KCNH8: variants seen among roughly 807,000 people sequenced by gnomAD.
The protein encoded by KCNH8 is voltage-gated delayed rectifier potassium channel KCNH8.
KCNH8 carries 70 observed loss-of-function variants against 103.6 expected under a neutral mutation model. That is an observed-to-expected ratio of 0.68 (90% confidence interval 0.56 to 0.82). The LOEUF is 0.82. KCNH8 is among the 40% of genes least tolerant of loss of function. KCNH8 has a pLI of 0.00. For missense variants in KCNH8, 1,217 were observed against 1,329.9 expected, an observed-to-expected ratio of 0.92 and a Z score of 1.32; for synonymous variants, 498 against 489.4, an observed-to-expected ratio of 1.02 and a Z score of -0.23.
intron 2 of KCNH8, among the ~76,000 whole-genome samples, chr3:19,260,488 A>T (rs1404451512): frequency 1.6e-3 from 1 of 642 alleles, no homozygotes; most frequent in African/African-American, 0.011. Flanking sequence ...ACTCTATAGG[A>T]TATATATATA....
At chr3:19,285,876 T>A (rs2064824954) in intron 3 of KCNH8, among the ~76,000 whole-genome samples, 1 of 152,198 alleles carries the variant, frequency 6.6e-6, no homozygotes, top group East Asian at 1.9e-4. Flanking sequence ...AATAATAAAT[T>A]CTTCTCAGAC....
rs573794341 is a variant in KCNH8 at position 19,474,953 on chromosome 3, A to C, written c.2040+17971A>C. Among the ~76,000 whole-genome samples the C allele has an allele frequency of 2.0e-5, 3 of 152,292 alleles. No homozygotes were observed. In the South Asian group the frequency reaches 6.2e-4, roughly 32 times the overall value. On this transcript the variant is annotated intron_variant, in intron 11 of 15. Coordinates refer to ENST00000328405, the MANE Select transcript of KCNH8 (RefSeq NM_144633.3). Reference sequence around the variant, plus strand: ...GAGAACAACGAAATAGGATTCTATCAAAAAGAGCAATGAAGAGGATCCAGA... The same window carrying C: ...GAGAACAACGAAATAGGATTCTATCCAAAAGAGCAATGAAGAGGATCCAGA...
chr3:19,208,129 A>G (rs994157157), intron 1 of KCNH8, among the ~76,000 whole-genome samples: 1 of 151,974 alleles, frequency 6.6e-6, no homozygotes, highest in African/African-American at 2.4e-5. Context: ...GATGCTAAAT[A>G]CTACAGAAAT....
At chr3:19,236,030 T>C (rs2064060466) in intron 1 of KCNH8, among the ~76,000 whole-genome samples, 2 of 152,174 alleles carry the variant, frequency 1.3e-5, no homozygotes, top group Non-Finnish European at 2.9e-5. Context: ...TGTAACTGTG[T>C]GTATATAGTT....
intron 5 of KCNH8, among the ~76,000 whole-genome samples, chr3:19,377,853 CTAAG>C (rs767822782): frequency 2.0e-5 from 3 of 152,202 alleles, no homozygotes; most frequent in Non-Finnish European, 2.9e-5. Context: ...CATTAAAATG[CTAAG>C]TTAGTGGAAG....
intron 3 of KCNH8, among the ~76,000 whole-genome samples, chr3:19,305,504 A>G (rs1034943107): frequency 6.6e-6 from 1 of 152,168 alleles, no homozygotes; most frequent in Admixed American, 6.6e-5. Context: ...TAGGTTCATC[A>G]GCCATCCTGC....
intron 1 of KCNH8, among the ~76,000 whole-genome samples, chr3:19,187,321 G>GAT (rs781177488): frequency 2.6e-4 from 39 of 151,662 alleles, no homozygotes; most frequent in Middle Eastern, 3.4e-3. Context: ...GATATGCATA[G>GAT]ATATATATAT....
intron 1 of KCNH8, among the ~76,000 whole-genome samples, chr3:19,151,525 T>C (rs1027435822): frequency 8.5e-5 from 13 of 152,222 alleles, no homozygotes; most frequent in African/African-American, 3.1e-4. Context: ...TGCAGTATTA[T>C]TATTAGCCTT....
chr3:19,271,748 C>T (rs2064591416), intron 2 of KCNH8, among the ~76,000 whole-genome samples: 1 of 152,122 alleles, frequency 6.6e-6, no homozygotes, highest in South Asian at 2.1e-4. Flanking sequence ...TGAGAATATT[C>T]AGCAAGTAAA....
rs548296338 is a variant in KCNH8 at position 19,342,668 on chromosome 3, C to T, written c.524C>T (p.Ser175Phe). ...AGTCGAGCAGTCCTTTATCACATCT[C>T]TGGGCACCTGCAAAGAAGAGAAAAG... ...RRSRAVLYHI[S>F]GHLQRREKNK... Residue 175 changes from serine (S) to phenylalanine (F), a missense_variant, in exon 4 of 16, where the codon TCT (serine) becomes TTT (phenylalanine). By Grantham distance (155) the Ser-to-Phe change is radical. Coordinates refer to ENST00000328405, the MANE Select transcript of KCNH8 (RefSeq NM_144633.3). 9.9e-6 allele frequency: 16 copies of T among 1,610,848 alleles called. No homozygotes were observed. In the African/African-American group the frequency reaches 1.1e-4, roughly 11 times the overall value.
chr3:19,437,676 T>C (rs897229606), intron 7 of KCNH8, among the ~76,000 whole-genome samples: 6 of 152,196 alleles, frequency 3.9e-5, no homozygotes, highest in African/African-American at 1.4e-4. Context: ...GGAAGAGTTT[T>C]ACAGAATGGA....
At position 19,471,720 on chromosome 3, in the gene KCNH8, A is replaced by G. The variant is rs140258684; in HGVS notation, c.2040+14738A>G. ...TTTAGCAAGTAAGCAAGGGAGATCA[A>G]TTACTGGAATTTAAGTCCCAAACCA... On this transcript the variant is annotated intron_variant, in intron 11 of 15. Coordinates refer to ENST00000328405, the MANE Select transcript of KCNH8 (RefSeq NM_144633.3). Among the ~76,000 whole-genome samples, 673 of 152,350 alleles carry G rather than the reference A, an allele frequency of 4.4e-3. 6 individuals are homozygous for G. Among genetic ancestry groups the G allele is most frequent in the South Asian group, 0.019 (91 of 4,826 alleles).
intron 8 of KCNH8, 123 bp from the exon 9 acceptor site, chr3:19,449,983 T>A: frequency 1.3e-6 from 1 of 747,476 alleles, no homozygotes; most frequent in Non-Finnish European, 2.2e-6. Context: ...AATAGCTGTA[T>A]CAACATGGCC....
At chr3:19,533,220 G>A (rs1190062600) in intron 15 of KCNH8, among the ~76,000 whole-genome samples, 175 bp from the exon 16 acceptor site, 2 of 148,022 alleles carry the variant, frequency 1.4e-5, no homozygotes, top group African/African-American at 2.5e-5. Flanking sequence ...AAAAAAAAAG[G>A]AAAAAGAAAA....
At position 19,515,477 on chromosome 3, in the gene KCNH8, C is replaced by G. The variant is rs148664291; in HGVS notation, c.2542+49C>G. 7 of 948,204 alleles carry G rather than the reference C, an allele frequency of 7.4e-6. No individual in the cohort carries two copies. In the African/African-American group the frequency reaches 1.1e-4, roughly 15 times the overall value. 58.7% of individuals were successfully genotyped at this position (948,204 alleles called of 1,614,324 possible). ...CCTAAGGTAAAATATTTCTTATTAA[C>G]TTGTAATGTTTGTTATGGGCATTTT... On this transcript the variant is annotated intron_variant, in intron 14 of 15. Coordinates refer to ENST00000328405, the MANE Select transcript of KCNH8 (RefSeq NM_144633.3).
At chr3:19,531,445 G>A (rs2069159461) in intron 15 of KCNH8, among the ~76,000 whole-genome samples, 1 of 152,182 alleles carries the variant, frequency 6.6e-6, no homozygotes, top group Admixed American at 6.5e-5. Context: ...CATTGTTTCA[G>A]TTCTTAAATG....
At chr3:19,336,770 T>C (rs1377115229) in intron 3 of KCNH8, among the ~76,000 whole-genome samples, 3 of 152,006 alleles carry the variant, frequency 2.0e-5, no homozygotes, top group African/African-American at 7.2e-5. Context: ...TTCCTTTGCA[T>C]CTTGAACTAG....
chr3:19,468,031 T>C (rs1559341640), intron 11 of KCNH8, among the ~76,000 whole-genome samples: 3 of 152,252 alleles, frequency 2.0e-5, no homozygotes, highest in South Asian at 4.2e-4. Context: ...GCTACTCCTC[T>C]GCCCTTACCT....
intron 7 of KCNH8, among the ~76,000 whole-genome samples, chr3:19,436,353 A>G (rs1335390162): frequency 3.3e-5 from 5 of 152,164 alleles, no homozygotes; most frequent in Non-Finnish European, 7.3e-5. Context: ...GAGTTTCTCC[A>G]GCATAAAAAA....
Sources: allele counts gnomAD v4.1 joint callset (sites outside exome capture counted in the v4.1 genomes callset), GRCh38; gene constraint gnomAD v4.1.1; transcripts MANE v1.5; gene names NCBI Gene and HGNC (gene_info 2026-07-23, HGNC 2026-07-21).